The following DOCK8 variants were observed in gnomAD, a reference collection of about 807,000 sequenced individuals.
The protein encoded by DOCK8 is dedicator of cytokinesis protein 8.
DOCK8 carries 141 observed loss-of-function variants against 245.6 expected under a neutral mutation model. That is an observed-to-expected ratio of 0.57 (90% CI 0.50 to 0.66). The LOEUF is 0.66. Ranked by LOEUF, DOCK8 falls within the 30% of genes least tolerant of loss-of-function variation. DOCK8 has a pLI of 0.00. For synonymous variants in DOCK8, 1,168 were observed against 970.2 expected (o/e 1.20, Z -3.79); for missense variants, 2,965 against 2,603.4 (o/e 1.14, Z -3.02).
intron 18 of DOCK8, among the ~76,000 whole-genome samples, chr9:374,543 T>A (rs2053442518): frequency 7.1e-6 from 1 of 140,276 alleles, no homozygotes; most frequent in South Asian, 2.5e-4. Context: ...CTCACTGTAA[T>A]CTTGAACTCA....
chr9:306,792 A>G (rs996066712), intron 5 of DOCK8, among the ~76,000 whole-genome samples: 1 of 152,174 alleles, frequency 6.6e-6, no homozygotes, highest in African/African-American at 2.4e-5. Flanking sequence ...CCACAATTTG[A>G]GGACTGCAGG....
At position 399,853 on chromosome 9, in the gene DOCK8, A is replaced by T. The variant is rs184897202; in HGVS notation, c.3234+594A>T. On this transcript the variant is annotated intron_variant, in intron 26 of 47. Transcript: ENST00000432829. The stretch of plus-strand genomic sequence containing the variant: ...AACAATAGTAATATAAATAGCAGTT[A>T]TTGTTGCTGCTCCTCTCCTTCCATA... Among the ~76,000 whole-genome samples the T allele has an allele frequency of 2.0e-3, 307 of 152,066 alleles. 3 individuals are homozygous for T. Among genetic ancestry groups the T allele is most frequent in the Non-Finnish European group, 1.5e-3 (100 of 67,954 alleles).
In DOCK8 at chr9:271,724, C is replaced by G. The variant is rs1420962244; in HGVS notation, c.151C>G (p.Gln51Glu). Reference protein sequence around the residue: ...SISTSGFPSLQLPQFYDPVEP... With the variant: ...SISTSGFPSLELPQFYDPVEP... ...AAGTACCTCTGGCTTCCCCTCTCTT[C>G]AACTAGTAAGTATGAGTTCCAGGTT... is the stretch of plus-strand genomic sequence containing the variant. Residue 51 changes from glutamine to glutamate, a missense_variant, in exon 2 of 48, where the codon CAA becomes GAA. Gln to Glu is a conservative substitution (Grantham distance 29). Transcript: ENST00000432829. The G allele has an allele frequency of 4.5e-6, 7 of 1,550,256 alleles. No individual in the cohort carries two copies. In the East Asian group the frequency reaches 1.7e-4, roughly 38 times the overall value.
chr9:226,878 TAAG>T (rs2047000657), intron 1 of DOCK8, among the ~76,000 whole-genome samples: 1 of 152,140 alleles, frequency 6.6e-6, no homozygotes, highest in Non-Finnish European at 1.5e-5. Context: ...TATTTTTACA[TAAG>T]AAGGAAAAAA....
intron 42 of DOCK8, 111 bp downstream of exon 42, chr9:442,120 C>T: frequency 2.0e-6 from 3 of 1,472,216 alleles, no homozygotes; most frequent in Non-Finnish European, 2.8e-6. Context: ...TCATTGATCT[C>T]TACATAAAGT....
In DOCK8 at chr9:398,837, T is replaced by C. The variant is rs180737427; in HGVS notation, c.3121-309T>C. Among the ~76,000 whole-genome samples, 169 of 149,072 alleles carry C rather than the reference T, an allele frequency of 1.1e-3. 1 individual carries two copies. The highest frequency in any genetic ancestry group is 1.9e-3 in the Non-Finnish European group (128 of 67,154). On this transcript the variant is annotated intron_variant, in intron 25 of 47. Coordinates refer to ENST00000432829, the MANE Select transcript of DOCK8 (RefSeq NM_203447.4). The stretch of plus-strand genomic sequence containing the variant: ...TACAAAAAAAAAAGTTACCAGGATA[T>C]AAAAAAAAGTAGGATCCAACATAGT...
rs552400848 is a variant in DOCK8, at chr9:273,764, C to T, written c.156+2035C>T. On this transcript the variant is annotated intron_variant, in intron 2 of 47. Coordinates refer to ENST00000432829, the MANE Select transcript of DOCK8 (RefSeq NM_203447.4). ...GTGCAATGGCACCATCTCGGCTCAT[C>T]GCAACCTCTGCCTCCTAGTTCAAGC... Among the ~76,000 whole-genome samples, 707 of 150,790 alleles carry T rather than the reference C, an allele frequency of 4.7e-3. 6 individuals carry two copies. Among genetic ancestry groups the T allele is most frequent in the Non-Finnish European group, 8.6e-3 (584 of 67,820 alleles).
chr9:433,169 T>C (rs978245001), intron 37 of DOCK8, among the ~76,000 whole-genome samples: 14 of 152,222 alleles, frequency 9.2e-5, no homozygotes, highest in Admixed American at 7.9e-4. Context: ...AGTTCCATCA[T>C]TTATATAGAG....
intron 4 of DOCK8, among the ~76,000 whole-genome samples, chr9:291,485 G>A (rs1348054677): frequency 6.6e-6 from 1 of 152,008 alleles, no homozygotes; most frequent in Non-Finnish European, 1.5e-5. Context: ...TTTGTAACAT[G>A]CATTTTCAGT....
At chr9:333,030 A>G (rs2051099546) in intron 10 of DOCK8, among the ~76,000 whole-genome samples, 1 of 152,108 alleles carries the variant, frequency 6.6e-6, no homozygotes, top group South Asian at 2.1e-4. Flanking sequence ...TGACTGCATA[A>G]CTTGATTGGG....
chr9:361,558 C>A (rs1300138407), intron 14 of DOCK8, among the ~76,000 whole-genome samples: 1 of 152,098 alleles, frequency 6.6e-6, no homozygotes, highest in Non-Finnish European at 1.5e-5. Flanking sequence ...GAGCATTTTG[C>A]AATTTTTTTG....
chr9:287,496 C>T (rs1379982535), intron 3 of DOCK8, among the ~76,000 whole-genome samples: 1 of 152,212 alleles, frequency 6.6e-6, no homozygotes, highest in Non-Finnish European at 1.5e-5. Context: ...AAGATCCTGA[C>T]ACACAGCCCC....
chr9:399,357 T>G (rs1159822390), intron 26 of DOCK8, 98 bp downstream of exon 26: 3 of 868,134 alleles, frequency 3.5e-6, no homozygotes, highest in African/African-American at 1.7e-5. Context: ...TCTTCATTAC[T>G]GAGTTGGCAT....
chr9:260,139 C>T (rs1341162304), intron 1 of DOCK8, among the ~76,000 whole-genome samples: 2 of 152,232 alleles, frequency 1.3e-5, no homozygotes, highest in African/African-American at 4.8e-5. Context: ...ACATCTGCAA[C>T]TGGGACTTTG....
rs771636750 is a variant in DOCK8, at chr9:439,344, G to A, written c.5179G>A (p.Gly1727Ser). The change falls in exon 40 of 48, where the codon GGC becomes AGC. Residue 1727 changes from glycine to serine, a missense_variant. Gly to Ser is a moderately conservative substitution (Grantham distance 56). Transcript: ENST00000432829. ...CGCAGGCCAGTACTTCACCGAGAGT[G>A]GCCTGGTAGGCCTCCTGGAGCAGGC... ...VCAGQYFTES[G>S]LVGLLEQAAE... 6.2e-7 allele frequency: 1 copy of A among 1,614,100 alleles called. No homozygotes were observed. Among genetic ancestry groups the A allele is most frequent in the East Asian group, 2.2e-5 (1 of 44,874 alleles).
chr9:301,885 A>G (rs1763386676), intron 4 of DOCK8, among the ~76,000 whole-genome samples: 1 of 152,204 alleles, frequency 6.6e-6, no homozygotes, highest in Non-Finnish European at 1.5e-5. Flanking sequence ...GCTCGTGGAT[A>G]GGAAGAATCA....
Position 286,607 on chromosome 9 carries a change from G to A in DOCK8, c.303G>A (p.Arg101=), listed in dbSNP as rs757252451. The change falls in exon 3 of 48, where the codon AGG becomes AGA. Residue 101 remains arginine, a synonymous_variant. Coordinates refer to ENST00000432829, the MANE Select transcript of DOCK8 (RefSeq NM_203447.4). ...LDVVFTPKEC[R]TLQPSLPEEG... ...TGGTGTTCACGCCAAAGGAATGTAGGACTTTGCAGCCCTCTTTGCCGGAGG... is the reference window on the plus strand; with the variant it reads ...TGGTGTTCACGCCAAAGGAATGTAGAACTTTGCAGCCCTCTTTGCCGGAGG... 7.4e-6 allele frequency: 12 copies of A among 1,613,834 alleles called. No homozygotes were observed. Among genetic ancestry groups the A allele is most frequent in the Non-Finnish European group, 1.0e-5 (12 of 1,179,894 alleles).
chr9:288,630 A>C (rs941561228), intron 3 of DOCK8, among the ~76,000 whole-genome samples: 2 of 152,176 alleles, frequency 1.3e-5, no homozygotes, highest in African/African-American at 2.4e-5. Flanking sequence ...TTTAATCTTC[A>C]TCAAAGCTGT....
chr9:214,812 C>G, upstream of DOCK8: 3 of 1,594,194 alleles, frequency 1.9e-6, no homozygotes, highest in Admixed American at 1.7e-5. Context: ...GGACCCTCCC[C>G]CGGGGTGATT....
Sources: gnomAD v4.1 joint callset for allele counts (sites outside exome capture counted in the v4.1 genomes callset) on GRCh38, gnomAD v4.1.1 for gene constraint, MANE v1.5 for transcripts, NCBI Gene and HGNC (gene_info 2026-07-23, HGNC 2026-07-21) for gene names.